KRR1: variants seen among roughly 807,000 people sequenced by gnomAD.
KRR1 encodes the protein KRR1 small subunit processome component homolog.
Under a neutral mutation model 50.0 loss-of-function variants are expected in KRR1, and 23 were observed. That is an observed-to-expected ratio of 0.46 (90% CI 0.33 to 0.65). KRR1 has a LOEUF of 0.65. KRR1 is among the 30% of genes least tolerant of loss of function. The pLI is 0.02. For missense variants in KRR1, 419 were observed against 442.4 expected (o/e 0.95, Z 0.47); for synonymous variants, 133 against 146.3 (o/e 0.91, Z 0.66).
intron 5 of KRR1, among the ~76,000 whole-genome samples, chr12:75,505,646 T>G (rs2046418695): frequency 6.6e-6 from 1 of 152,022 alleles, no homozygotes; most frequent in Non-Finnish European, 1.5e-5. Context: ...TTGTATTCAA[T>G]ATACTTAATT....
intron 6 of KRR1, 153 bp from the exon 7 acceptor site, chr12:75,504,227 G>A (rs1411607840): frequency 4.5e-5 from 21 of 462,368 alleles, no homozygotes; most frequent in Non-Finnish European, 6.4e-5. Flanking sequence ...AAAAAGGTAG[G>A]TTATCACAAA....
chr12:75,495,253 G>C lies in KRR1; in HGVS notation c.*4556C>G, dbSNP rs1051585421. The C allele has an allele frequency of 1.0e-4, 19 of 184,826 alleles. No individual in the cohort carries two copies. The highest frequency in any genetic ancestry group is 9.9e-4 in the Admixed American group (17 of 17,214). The allele number at this position is 184,826 out of a possible 1,614,324, so 11.4% of individuals were successfully genotyped here. A position where few individuals can be genotyped will look rare whatever the true frequency, so the allele number is the denominator to read the frequency against. ...CTGGAGTTAAATCCAGGTTTCCTCT[G>C]ACTCTGAAGTGTATAAATTGTGATT... is the stretch of plus-strand genomic sequence containing the variant. On this transcript the variant is annotated 3_prime_UTR_variant, in exon 10 of 10. Coordinates refer to ENST00000229214, the MANE Select transcript of KRR1 (RefSeq NM_007043.7).
chr12:75,511,404 T>C (rs1192378269), intron 1 of KRR1, 109 bp downstream of exon 1: 3 of 965,528 alleles, frequency 3.1e-6, no homozygotes, highest in South Asian at 2.7e-5. Context: ...GGTACTCAAC[T>C]ACACAGTACA....
At chr12:75,502,995 A>C (rs1012329521) in intron 7 of KRR1, 4 of 152,000 alleles carry the variant, frequency 2.6e-5, no homozygotes, top group African/African-American at 9.7e-5. Context: ...TTGTGGAAAA[A>C]AGAGATGTAG....
In KRR1 at chr12:75,499,914, C is replaced by T; in HGVS notation, c.1041G>A (p.Lys347=). The T allele has an allele frequency of 6.2e-7, 1 of 1,608,724 alleles. No homozygotes were observed. Among genetic ancestry groups the T allele is most frequent in the Non-Finnish European group, 8.5e-7 (1 of 1,177,772 alleles). The stretch of plus-strand genomic sequence containing the variant: ...TATTCTTTGCTTTCTTAACCTTTTC[C>T]TTGATGCTGGCCACATCAATTTTAG... ...TETKIDVASI[K]EKVKKAKNKK... is the part of the protein sequence containing the mutation. The change falls in exon 10 of 10, where the codon AAG becomes AAA. Residue 347 remains lysine (K), a synonymous_variant. Transcript: ENST00000229214.
At chr12:75,511,396 T>C (rs77684237) in intron 1 of KRR1, 117 bp downstream of exon 1, 9,447 of 842,022 alleles carry the variant, frequency 0.011, 76 homozygotes, top group Non-Finnish European at 0.015. Context: ...ATTATTCAGG[T>C]ACTCAACTAC....
At chr12:75,506,251 C>T in intron 5 of KRR1, 65 bp downstream of exon 5, 3 of 986,662 alleles carry the variant, frequency 3.0e-6, no homozygotes, top group Non-Finnish European at 4.6e-6. Context: ...ATCCAATAAA[C>T]TATATTATAA....
chr12:75,511,259 T>C (rs1308619209), intron 1 of KRR1, among the ~76,000 whole-genome samples: 2 of 152,186 alleles, frequency 1.3e-5, no homozygotes, highest in East Asian at 3.9e-4. Context: ...CTCATCCTTT[T>C]ACAAAAGACG....
At chr12:75,500,168 CTTTA>C (rs2046381781) in intron 9 of KRR1, 1 of 351,040 alleles carries the variant, frequency 2.8e-6, no homozygotes, top group Non-Finnish European at 5.0e-6. Flanking sequence ...TCATAAAATA[CTTTA>C]TATATTAGTA....
At chr12:75,499,975 C>T in intron 9 of KRR1, 24 bp from the exon 10 acceptor site, 5 of 1,558,972 alleles carry the variant, frequency 3.2e-6, no homozygotes, top group Admixed American at 2.0e-5. Context: ...AAGCACAACA[C>T]ATGTAATACT....
At chr12:75,504,187 C>T in intron 6 of KRR1, 113 bp from the exon 7 acceptor site, 4 of 684,646 alleles carry the variant, frequency 5.8e-6, no homozygotes, top group Non-Finnish European at 8.9e-6. Flanking sequence ...TTCCTAGTTT[C>T]TTTGGTGAAA....
chr12:75,501,928 T>C lies in KRR1; in HGVS notation c.904A>G (p.Ile302Val), dbSNP rs535120586. 9.4e-5 allele frequency: 152 copies of C among 1,612,618 alleles called. No homozygotes were observed. The highest frequency in any genetic ancestry group is 1.2e-4 in the Non-Finnish European group (145 of 1,179,028). ...CCAGACATAAAGTGCCGTACCTTTA[T>C]TGCTTCCATTTTCTGCCGCTTCTTC... is the stretch of plus-strand genomic sequence containing the variant. ...NQKKRQKMEAIKAKQAEAISK... is the reference protein window; with the variant it reads ...NQKKRQKMEAVKAKQAEAISK... The change falls in exon 8 of 10, where the codon ATA becomes GTA. Residue 302 changes from isoleucine (I) to valine (V), a missense_variant. By Grantham distance (29) the Ile-to-Val change is conservative. Transcript: ENST00000229214.
At position 75,499,777 on chromosome 12, in the gene KRR1, G is replaced by A; in HGVS notation, c.*32C>T. Reference sequence around the variant, plus strand: ...GATATCTCAAAATCCTTTACAAAAGGAGATAGTTCTAGTCAAGGAGTTTTG... The same window carrying A: ...GATATCTCAAAATCCTTTACAAAAGAAGATAGTTCTAGTCAAGGAGTTTTG... On this transcript the variant is annotated 3_prime_UTR_variant, in exon 10 of 10. Transcript: ENST00000229214. The A allele has an allele frequency of 6.5e-7, 1 of 1,528,788 alleles. No homozygotes were observed. The highest frequency in any genetic ancestry group is 8.8e-7 in the Non-Finnish European group (1 of 1,134,612). The allele number at this position is 1,528,788 out of a possible 1,614,324, so 94.7% of individuals were successfully genotyped here.
At chr12:75,504,130 G>T in intron 6 of KRR1, 56 bp from the exon 7 acceptor site, 1 of 1,252,394 alleles carries the variant, frequency 8.0e-7, no homozygotes, top group Non-Finnish European at 1.1e-6. Context: ...ACATTTGTCA[G>T]ACTCAGACAT....
Position 75,506,588 on chromosome 12 carries a change from C to T in KRR1, c.415G>A (p.Asp139Asn). The change falls in exon 4 of 10, where the codon GAT becomes AAT. Residue 139 changes from aspartate (D) to asparagine (N), a missense_variant. By Grantham distance (23) the Asp-to-Asn change is conservative. Transcript: ENST00000229214. ...ATTTTAATGATGTCACATGCAACAT[C>T]ATCCTGAAGAATTCGTACTGCCTTT... Reference protein sequence around the residue: ...FEQAVRILQDDVACDIIKIGS... With the variant: ...FEQAVRILQDNVACDIIKIGS... 1 of 1,376,446 alleles carries T rather than the reference C, an allele frequency of 7.3e-7. No homozygotes were observed. The highest frequency in any genetic ancestry group is 9.8e-7 in the Non-Finnish European group (1 of 1,017,356). The allele number at this position is 1,376,446 out of a possible 1,614,324, so 85.3% of individuals were successfully genotyped here. A position where few individuals can be genotyped will look rare whatever the true frequency, so the allele number is the denominator to read the frequency against.
At position 75,501,008 on chromosome 12, in the gene KRR1, TATATC is replaced by T. The variant is rs2046390204; in HGVS notation, c.1003+710_1003+714del. 3 of 152,096 alleles carry T rather than the reference TATATC, an allele frequency of 2.0e-5. No homozygotes were observed. The South Asian group carries it at 6.2e-4, about 31-fold the overall frequency. The allele number at this position is 152,096 out of a possible 1,614,324, so 9.4% of individuals were successfully genotyped here. A position where few individuals can be genotyped will look rare whatever the true frequency, so the allele number is the denominator to read the frequency against. ...GCAATATATTAAAATAATAATGTATTATATCTGTTTCTGACCCAGTCTATGTACAA... is the reference window on the plus strand; with the variant it reads ...GCAATATATTAAAATAATAATGTATTTGTTTCTGACCCAGTCTATGTACAA... On this transcript the variant is annotated intron_variant, in intron 9 of 9. Transcript: ENST00000229214.
At chr12:75,509,857 G>C (rs1258546480) in intron 1 of KRR1, among the ~76,000 whole-genome samples, 1 of 151,312 alleles carries the variant, frequency 6.6e-6, no homozygotes, top group African/African-American at 2.4e-5. Context: ...CCAAAGTGCT[G>C]GGATTACAGG....
intron 6 of KRR1, chr12:75,504,300 GAC>G (rs1040753992): frequency 3.3e-6 from 1 of 304,552 alleles, no homozygotes; most frequent in African/African-American, 2.2e-5. Flanking sequence ...GTTAAAATGA[GAC>G]AAAAATAAAA....
rs1224165641 is a variant in KRR1 at position 75,501,835 on chromosome 12, A to C, written c.910-19T>G. Reference sequence around the variant, plus strand: ...GTTTAGCCTACATTAATAAATAAAAAATATATCAGTTAAATGTATTTATAG... The same window carrying C: ...GTTTAGCCTACATTAATAAATAAAACATATATCAGTTAAATGTATTTATAG... On this transcript the variant is annotated intron_variant, in intron 8 of 9. Coordinates refer to ENST00000229214, the MANE Select transcript of KRR1 (RefSeq NM_007043.7). 6.3e-7 allele frequency: 1 copy of C among 1,577,448 alleles called. No homozygotes were observed. The highest frequency in any genetic ancestry group is 8.6e-7 in the Non-Finnish European group (1 of 1,156,336).
Sources: gnomAD v4.1 joint callset for allele counts (sites outside exome capture counted in the v4.1 genomes callset) on GRCh38, gnomAD v4.1.1 for gene constraint, MANE v1.5 for transcripts, NCBI Gene and HGNC (gene_info 2026-07-23, HGNC 2026-07-21) for gene names.